FBXL17: variants seen among roughly 807,000 people sequenced by gnomAD.
FBXL17 encodes F-box and leucine rich repeat protein 17.
Under a neutral mutation model 66.2 loss-of-function variants are expected in FBXL17, and 22 were observed. The observed-to-expected ratio is 0.33, with a 90% CI of 0.24 to 0.47. The LOEUF is 0.47. FBXL17 is among the 20% of genes least tolerant of loss of function. The pLI, the probability that FBXL17 is intolerant of heterozygous loss-of-function variation, is 1.00. For missense variants in FBXL17, 878 were observed against 948.2 expected, an observed-to-expected ratio of 0.93 and a Z score of 0.97; for synonymous variants, 474 against 400.5, an observed-to-expected ratio of 1.18 and a Z score of -2.19.
chr5:108,348,954 G>A (rs1044579475), intron 3 of FBXL17, among the ~76,000 whole-genome samples: 1 of 151,946 alleles, frequency 6.6e-6, no homozygotes, highest in African/African-American at 2.4e-5. Flanking sequence ...ACAGGTGTGT[G>A]CCACCACACC....
chr5:108,372,254 G>A (rs1749091303), intron 1 of FBXL17, among the ~76,000 whole-genome samples: 2 of 152,142 alleles, frequency 1.3e-5, no homozygotes. Flanking sequence ...TAAAATTACT[G>A]AGTCTGTGGA....
At chr5:108,104,257 G>A (rs1258827564) in intron 6 of FBXL17, among the ~76,000 whole-genome samples, 3 of 152,124 alleles carry the variant, frequency 2.0e-5, no homozygotes, top group South Asian at 2.1e-4. Context: ...GGCTGGTCTC[G>A]AACTCCTGAC....
chr5:108,255,309 T>C (rs1756530027), intron 4 of FBXL17, among the ~76,000 whole-genome samples: 1 of 152,140 alleles, frequency 6.6e-6, no homozygotes, highest in Non-Finnish European at 1.5e-5. Flanking sequence ...GTAACATGGA[T>C]TTTCACTTTT....
chr5:108,196,652 CTTTA>C (rs1393580063), intron 5 of FBXL17, among the ~76,000 whole-genome samples: 3 of 152,282 alleles, frequency 2.0e-5, no homozygotes, highest in South Asian at 4.1e-4. Flanking sequence ...TTAGATATGA[CTTTA>C]TTTATTTAAG....
intron 5 of FBXL17, among the ~76,000 whole-genome samples, chr5:108,189,413 T>G (rs1753376650): frequency 6.6e-6 from 1 of 152,062 alleles, no homozygotes. Context: ...GTTTTTTTGT[T>G]GTTATTTTTC....
intron 6 of FBXL17, among the ~76,000 whole-genome samples, chr5:108,114,697 G>A (rs1254055913): frequency 6.6e-6 from 1 of 152,180 alleles, no homozygotes; most frequent in Non-Finnish European, 1.5e-5. Context: ...TTCAAGCTTG[G>A]TTGGCTTTTC....
At chr5:108,032,669 C>A (rs563911627) in intron 6 of FBXL17, among the ~76,000 whole-genome samples, 162 of 152,274 alleles carry the variant, frequency 1.1e-3, no homozygotes, top group African/African-American at 3.7e-3. Context: ...GGATTGGATT[C>A]TTCCGTAGAG....
chr5:108,016,801 CAG>C (rs1490105818), intron 7 of FBXL17, among the ~76,000 whole-genome samples: 2 of 140,086 alleles, frequency 1.4e-5, no homozygotes, highest in Non-Finnish European at 3.1e-5. Context: ...TTTTTTGAGA[CAG>C]AGTTTCGCTT....
intron 6 of FBXL17, among the ~76,000 whole-genome samples, chr5:108,038,465 TG>T (rs1479504877): frequency 6.6e-6 from 1 of 152,148 alleles, no homozygotes; most frequent in Non-Finnish European, 1.5e-5. Context: ...GTTTCGGTGA[TG>T]GGTACACAAA....
In FBXL17 at chr5:108,105,271, G is replaced by A. The variant is rs550635811; in HGVS notation, c.1745+80846C>T. Among the ~76,000 whole-genome samples the A allele has an allele frequency of 2.0e-4, 30 of 152,310 alleles. 1 individual carries two copies. Among genetic ancestry groups the A allele is most frequent in the African/African-American group, 7.2e-4 (30 of 41,572 alleles). ...GCAACTGAAGTGGACCTTGGGGGCT[G>A]GACAAGAATAATGGGCCAGGCCAGT... On this transcript the variant is annotated intron_variant, in intron 6 of 8. Coordinates refer to ENST00000542267, the MANE Select transcript of FBXL17 (RefSeq NM_001163315.3).
chr5:108,177,020 A>C (rs972443068), intron 6 of FBXL17, among the ~76,000 whole-genome samples: 7 of 152,196 alleles, frequency 4.6e-5, no homozygotes, highest in Non-Finnish European at 8.8e-5. Flanking sequence ...TCTTCTTTTT[A>C]ATTGAAAGAC....
intron 2 of FBXL17, among the ~76,000 whole-genome samples, chr5:108,367,592 C>T (rs1195733663): frequency 6.6e-6 from 1 of 151,846 alleles, no homozygotes; most frequent in Non-Finnish European, 1.5e-5. Flanking sequence ...TGAAAAAAGA[C>T]AAAAAGACCT....
At chr5:108,124,608 CT>C (rs1750625509) in intron 6 of FBXL17, among the ~76,000 whole-genome samples, 1 of 152,012 alleles carries the variant, frequency 6.6e-6, no homozygotes, top group Non-Finnish European at 1.5e-5. Context: ...TGTTATTCCA[CT>C]TTAATAAGAG....
chr5:108,149,848 T>C (rs1751699616), intron 6 of FBXL17, among the ~76,000 whole-genome samples: 1 of 152,196 alleles, frequency 6.6e-6, no homozygotes, highest in South Asian at 2.1e-4. Flanking sequence ...TTTCTGCTCC[T>C]AAATCCAATG....
intron 7 of FBXL17, among the ~76,000 whole-genome samples, chr5:107,951,350 C>T (rs1379871786): frequency 2.0e-5 from 3 of 152,140 alleles, no homozygotes; most frequent in Non-Finnish European, 4.4e-5. Context: ...ACAATTAAAA[C>T]GTTTTATTTA....
chr5:107,876,042 TTCAC>T (rs1748605815), intron 8 of FBXL17, among the ~76,000 whole-genome samples: 2 of 152,364 alleles, frequency 1.3e-5, no homozygotes, highest in South Asian at 4.1e-4. Flanking sequence ...GGGTGGACCT[TTCAC>T]AATCTATTTA....
intron 4 of FBXL17, among the ~76,000 whole-genome samples, chr5:108,279,415 T>C (rs1757614267): frequency 6.6e-6 from 1 of 151,942 alleles, no homozygotes; most frequent in South Asian, 2.1e-4. Flanking sequence ...CCTAACAAAC[T>C]GAGGAAACCA....
intron 7 of FBXL17, among the ~76,000 whole-genome samples, chr5:107,968,701 G>C (rs1188378241): frequency 6.6e-6 from 1 of 152,038 alleles, no homozygotes; most frequent in African/African-American, 2.4e-5. Flanking sequence ...AATAAAAATT[G>C]CCTCTGAATA....
intron 7 of FBXL17, among the ~76,000 whole-genome samples, chr5:107,976,898 AC>A (rs1335802323): frequency 6.6e-6 from 1 of 152,220 alleles, no homozygotes; most frequent in Non-Finnish European, 1.5e-5. Flanking sequence ...ATTAGAATAT[AC>A]TAAGACAATG....
Sources: allele counts gnomAD v4.1 joint callset (sites outside exome capture counted in the v4.1 genomes callset), GRCh38; gene constraint gnomAD v4.1.1; transcripts MANE v1.5; gene names NCBI Gene and HGNC (gene_info 2026-07-23, HGNC 2026-07-21).